ERCC4: variants seen among roughly 807,000 people sequenced by gnomAD.
ERCC4 encodes the protein DNA repair endonuclease XPF.
A neutral mutation model predicts 76.9 loss-of-function variants in ERCC4; 65 were observed. That is an observed-to-expected ratio of 0.84 (90% CI 0.69 to 1.04). The LOEUF (loss-of-function observed/expected upper bound fraction) is 1.04. ERCC4 is among the 50% of genes least tolerant of loss of function. The pLI, the probability that ERCC4 is intolerant of heterozygous loss-of-function variation, is 0.00. For missense variants in ERCC4, 1,214 were observed against 1,128.2 expected (o/e 1.08, Z -1.09); for synonymous variants, 463 against 410.1 (o/e 1.13, Z -1.56).
In ERCC4 at chr16:13,948,135, G is replaced by T. The variant is rs972892828; in HGVS notation, c.2539G>T (p.Gly847Cys). Residue 847 changes from glycine (G) to cysteine (C), a missense_variant, in exon 11 of 11, where the codon GGT becomes TGT. Physicochemically the swap from Gly to Cys is radical, Grantham distance 159 (BLOSUM62 -3). Transcript: ENST00000311895. Reference protein sequence around the residue: ...TLPESEKYNPGPQDFLLKMPG... With the variant: ...TLPESEKYNPCPQDFLLKMPG... ...TCCCGAGTCAGAGAAGTATAATCCTGGTCCCCAAGACTTCTTGTTAAAAAT... is the reference window on the plus strand; with the variant it reads ...TCCCGAGTCAGAGAAGTATAATCCTTGTCCCCAAGACTTCTTGTTAAAAAT... 5.6e-6 allele frequency: 9 copies of T among 1,613,924 alleles called. No individual in the cohort carries two copies. In the African/African-American group the frequency reaches 9.4e-5, roughly 17 times the overall value.
rs2141607479 is a variant in ERCC4, at chr16:13,935,442, C to G, written c.1510C>G (p.Leu504Val). ...LTQMVGKPEE[L>V]EEEGDVEEGY... The stretch of plus-strand genomic sequence containing the variant: ...TCAAATGGTAGGAAAACCTGAAGAA[C>G]TGGAAGAGGAAGGAGATGTCGAGGA... The change falls in exon 8 of 11, where the codon CTG (leucine) becomes GTG (valine). Residue 504 changes from leucine to valine, a missense_variant. Leu to Val is a conservative substitution (Grantham distance 32). Coordinates refer to ENST00000311895, the MANE Select transcript of ERCC4 (RefSeq NM_005236.3). 3 of 1,613,976 alleles carry G rather than the reference C, an allele frequency of 1.9e-6. No individual in the cohort carries two copies. The highest frequency in any genetic ancestry group is 2.5e-6 in the Non-Finnish European group (3 of 1,179,996).
chr16:13,948,704 A>C lies in ERCC4; in HGVS notation c.*357A>C. ...AAGGAATATGCTAAGCCTGGCATGG[A>C]CGGTGCAGGGAGGGAAAAGAGCAGG... On this transcript the variant is annotated 3_prime_UTR_variant, in exon 11 of 11. Transcript: ENST00000311895. 1 of 263,360 alleles carries C rather than the reference A, an allele frequency of 3.8e-6. No individual in the cohort carries two copies. Among genetic ancestry groups the C allele is most frequent in the Non-Finnish European group, 7.3e-6 (1 of 137,078 alleles). The allele number at this position is 263,360 out of a possible 1,614,324, so 16.3% of individuals were successfully genotyped here.
At chr16:13,937,887 C>A (rs764381127) in intron 9 of ERCC4, 29 bp downstream of exon 9, 3 of 1,394,706 alleles carry the variant, frequency 2.2e-6, no homozygotes, top group South Asian at 2.3e-5. Context: ...GTATGAAAGC[C>A]CCAACTACAT....
chr16:13,937,086 A>ATTTTTTT (rs71150154), intron 8 of ERCC4, among the ~76,000 whole-genome samples: 4 of 128,722 alleles, frequency 3.1e-5, no homozygotes, highest in Admixed American at 1.6e-4. Flanking sequence ...TGCTCAACTA[A>ATTTTTTT]TTTTTTTTTT....
intron 8 of ERCC4, 71 bp downstream of exon 8, chr16:13,935,814 G>T (rs1423800374): frequency 8.8e-7 from 1 of 1,132,724 alleles, no homozygotes; most frequent in African/African-American, 1.5e-5. Flanking sequence ...TATACCAGTT[G>T]CATGTTAGTT....
Position 13,948,459 on chromosome 16 carries a change from T to A in ERCC4, c.*112T>A. On this transcript the variant is annotated 3_prime_UTR_variant, in exon 11 of 11. Transcript: ENST00000311895. ...GCTATTTCATTCTTTTCCAATGCTC[T>A]TAATGATTGTACGGTGGACCAGAAG... 1 of 1,294,986 alleles carries A rather than the reference T, an allele frequency of 7.7e-7. No individual in the cohort carries two copies. Among genetic ancestry groups the A allele is most frequent in the Non-Finnish European group, 1.1e-6 (1 of 908,368 alleles). The allele number at this position is 1,294,986 out of a possible 1,614,324, so 80.2% of individuals were successfully genotyped here. A position where few individuals can be genotyped will look rare whatever the true frequency, so the allele number is the denominator to read the frequency against.
rs755219554 is a variant in ERCC4, at chr16:13,932,210, G to T, written c.1027G>T (p.Val343Phe). 8 of 1,612,720 alleles carry T rather than the reference G, an allele frequency of 5.0e-6. No individual in the cohort carries two copies. The highest frequency in any genetic ancestry group is 1.7e-4 in the Middle Eastern group (1 of 6,052). Residue 343 changes from valine (V) to phenylalanine (F), a missense_variant, in exon 6 of 11, where the codon GTT becomes TTT. Val to Phe is a conservative substitution (Grantham distance 50). Coordinates refer to ENST00000311895, the MANE Select transcript of ERCC4 (RefSeq NM_005236.3). ...TSMFINARAR[V>F]YHLPDAKMSK... ...GATGTTTATAAATGCTCGAGCAAGG[G>T]TTTATCATCTTCCAGATGCCAAAAT...
Position 13,947,821 on chromosome 16 carries a change from A to T in ERCC4, c.2225A>T (p.Tyr742Phe). 3 of 1,614,230 alleles carry T rather than the reference A, an allele frequency of 1.9e-6. No homozygotes were observed. The highest frequency in any genetic ancestry group is 8.5e-7 in the Non-Finnish European group (1 of 1,180,048). The change falls in exon 11 of 11, where the codon TAC (tyrosine) becomes TTC (phenylalanine). Residue 742 changes from tyrosine (Y) to phenylalanine (F), a missense_variant. Coordinates refer to ENST00000311895, the MANE Select transcript of ERCC4 (RefSeq NM_005236.3). ...GGCTCTTTAAATAACGGCCGCCTCTACAGCCAGTGCATCTCCATGTCCCGC... is the reference window on the plus strand; with the variant it reads ...GGCTCTTTAAATAACGGCCGCCTCTTCAGCCAGTGCATCTCCATGTCCCGC... ...LIGSLNNGRL[Y>F]SQCISMSRYY...
intron 9 of ERCC4, among the ~76,000 whole-genome samples, chr16:13,942,232 G>C (rs556634117): frequency 6.6e-6 from 1 of 152,278 alleles, no homozygotes; most frequent in African/African-American, 2.4e-5. Context: ...CAAGAGACTG[G>C]CTGTTTATAA....
intron 10 of ERCC4, among the ~76,000 whole-genome samples, chr16:13,947,326 G>T (rs2032532998): frequency 6.6e-6 from 1 of 152,200 alleles, no homozygotes; most frequent in Non-Finnish European, 1.5e-5. Flanking sequence ...GGTCAGTGAG[G>T]AAACTACAGA....
chr16:13,930,607 A>G, intron 4 of ERCC4, 103 bp from the exon 5 acceptor site: 1 of 876,448 alleles, frequency 1.1e-6, no homozygotes, highest in Non-Finnish European at 1.8e-6. Flanking sequence ...CATTTTAACC[A>G]TTTTTAGATA....
In ERCC4 at chr16:13,935,287, A is replaced by C; in HGVS notation, c.1355A>C (p.Lys452Thr). 6.2e-7 allele frequency: 1 copy of C among 1,614,124 alleles called. No individual in the cohort carries two copies. The highest frequency in any genetic ancestry group is 1.1e-5 in the South Asian group (1 of 91,078). Residue 452 changes from lysine (K) to threonine (T), a missense_variant, in exon 8 of 11, where the codon AAA becomes ACA. Transcript: ENST00000311895. ...AGCAAAGCTGAAGAAGTCTGGATGA[A>C]ATTTAGGAAGGAAGACAGTTCAAAG... ...KDSKAEEVWM[K>T]FRKEDSSKRI...
chr16:13,922,617 A>G (rs917669021), intron 2 of ERCC4: 1 of 605,994 alleles, frequency 1.7e-6, no homozygotes, highest in Non-Finnish European at 3.0e-6. Context: ...TCGTGCAGCA[A>G]ATAGGCTGCA....
At chr16:13,928,916 T>A (rs2032120271) in intron 4 of ERCC4, among the ~76,000 whole-genome samples, 1 of 152,174 alleles carries the variant, frequency 6.6e-6, no homozygotes, top group African/African-American at 2.4e-5. Flanking sequence ...AAACTCTGAG[T>A]CAATCTCTAT....
rs199772721 is a variant in ERCC4, at chr16:13,932,298, G to T, written c.1102+13G>T. On this transcript the variant is annotated intron_variant, in intron 6 of 10. Coordinates refer to ENST00000311895, the MANE Select transcript of ERCC4 (RefSeq NM_005236.3). ...AAAGAAGGGGAAGGTATCTTGTGGG[G>T]TTAAGTCTTTAAATGTGTTTTTTAT... is the stretch of plus-strand genomic sequence containing the variant. 5.7e-5 allele frequency: 91 copies of T among 1,605,966 alleles called. 1 individual carries two copies. The East Asian group carries it at 9.1e-4, about 16-fold the overall frequency.
rs146601373 is a variant in ERCC4, at chr16:13,935,420, A to C, written c.1488A>C (p.Gln496His). 20 of 1,613,488 alleles carry C rather than the reference A, an allele frequency of 1.2e-5. No individual in the cohort carries two copies. Among genetic ancestry groups the C allele is most frequent in the Non-Finnish European group, 1.7e-5 (20 of 1,179,918 alleles). Residue 496 changes from glutamine to histidine, a missense_variant, in exon 8 of 11, where the codon CAA becomes CAC. Physicochemically the swap from Gln to His is conservative, Grantham distance 24. Coordinates refer to ENST00000311895, the MANE Select transcript of ERCC4 (RefSeq NM_005236.3). ...KKKKRKLTLT[Q>H]MVGKPEELEE... ...AAAAACGGAAGTTGACCTTAACTCA[A>C]ATGGTAGGAAAACCTGAAGAACTGG...
chr16:13,932,326 C>T (rs370289311), intron 6 of ERCC4, 41 bp downstream of exon 6: 33 of 1,577,598 alleles, frequency 2.1e-5, no homozygotes, highest in Non-Finnish European at 2.5e-5. Context: ...TTTTTTATTT[C>T]GGTATTTGGT....
intron 6 of ERCC4, chr16:13,933,723 T>C (rs1157987531): frequency 6.5e-6 from 1 of 152,876 alleles, no homozygotes; most frequent in African/African-American, 2.4e-5. Context: ...AAAAAAATCT[T>C]TTTAAAGAAA....
At chr16:13,946,974 A>C (rs532712501) in intron 10 of ERCC4, among the ~76,000 whole-genome samples, 15 of 152,134 alleles carry the variant, frequency 9.9e-5, no homozygotes, top group African/African-American at 2.9e-4. Flanking sequence ...GTTAGCCAGG[A>C]TGGTCTCAAA....
Sources: gnomAD v4.1 joint callset for allele counts (sites outside exome capture counted in the v4.1 genomes callset) on GRCh38, gnomAD v4.1.1 for gene constraint, MANE v1.5 for transcripts, NCBI Gene and HGNC (gene_info 2026-07-23, HGNC 2026-07-21) for gene names.